Variants in CDH13 observed in about 807,000 individuals in gnomAD.
The protein encoded by CDH13 is cadherin 13, also known as cadherin-13.
A neutral mutation model predicts 63.8 loss-of-function variants in CDH13; 24 were observed. The ratio of observed to expected loss-of-function variants is 0.38; its 90% CI spans 0.27 to 0.53. The LOEUF is 0.53. Among genes scored for constraint, CDH13 ranks in the 20% least tolerant of loss-of-function variants. CDH13 has a pLI of 0.85. For missense variants in CDH13, 1,049 were observed against 903.1 expected (o/e 1.16, Z -2.07); for synonymous variants, 503 against 355.3 (o/e 1.42, Z -4.67).
At chr16:83,493,909 T>A (rs2074076594) in intron 7 of CDH13, among the ~76,000 whole-genome samples, 1 of 152,200 alleles carries the variant, frequency 6.6e-6, no homozygotes. Context: ...ATTTCTAGCC[T>A]GATGGAGATA....
intron 11 of CDH13, among the ~76,000 whole-genome samples, chr16:83,778,925 G>T (rs760551867): frequency 2.6e-5 from 4 of 152,160 alleles, no homozygotes; most frequent in African/African-American, 9.7e-5. Flanking sequence ...CGGAGACTCC[G>T]TCCTCCCCCT....
In CDH13 at chr16:83,632,057, G is replaced by C. The variant is rs562325262; in HGVS notation, c.1101+29463G>C. Reference sequence around the variant, plus strand: ...TTTGAGAGAACAGGATTTTAAAGAAGAACGAACCCAATTATTTGGATCCAC... The same window carrying C: ...TTTGAGAGAACAGGATTTTAAAGAACAACGAACCCAATTATTTGGATCCAC... On this transcript the variant is annotated intron_variant, in intron 8 of 13. Coordinates refer to ENST00000567109, the MANE Select transcript of CDH13 (RefSeq NM_001257.5). 5.9e-5 allele frequency among the ~76,000 whole-genome samples: 9 copies of C among 152,322 alleles called. No individual in the cohort carries two copies. The South Asian group carries it at 1.9e-3, about 32-fold the overall frequency.
rs1480405713 is a variant in CDH13 at position 83,309,394 on chromosome 16, G to A, written c.637-35468G>A. Among the ~76,000 whole-genome samples, 6 of 141,196 alleles carry A rather than the reference G, an allele frequency of 4.2e-5. 1 individual carries two copies. The East Asian group carries it at 8.6e-4, about 20-fold the overall frequency. The allele number at this position is 141,196 out of a possible 152,430, so 92.6% of individuals were successfully genotyped here. On this transcript the variant is annotated intron_variant, in intron 5 of 13. Coordinates refer to ENST00000567109, the MANE Select transcript of CDH13 (RefSeq NM_001257.5). ...CCCCTCTCTCCCTTCTTTTTTTTTT[G>A]AGACAGAATCTTACTCTGTCACCCA...
At chr16:82,832,583 C>G (rs56049304) in intron 1 of CDH13, among the ~76,000 whole-genome samples, 48,596 of 145,490 alleles carry the variant, frequency 0.33, 8,075 homozygotes, top group Admixed American at 0.39. Context: ...ATTTATAAAT[C>G]ATGTGCAAGA....
At chr16:82,998,281 A>G (rs1304178127) in intron 2 of CDH13, among the ~76,000 whole-genome samples, 1 of 152,224 alleles carries the variant, frequency 6.6e-6, no homozygotes, top group Non-Finnish European at 1.5e-5. Flanking sequence ...GTCTTATGTA[A>G]TTTTAAAAAT....
At chr16:83,444,361 C>G (rs979741001) in intron 6 of CDH13, among the ~76,000 whole-genome samples, 1 of 152,196 alleles carries the variant, frequency 6.6e-6, no homozygotes, top group African/African-American at 2.4e-5. Context: ...GAAGTACATG[C>G]TGTGATTTTC....
At chr16:83,023,252 T>G (rs1597159239) in intron 2 of CDH13, among the ~76,000 whole-genome samples, 2 of 152,332 alleles carry the variant, frequency 1.3e-5, no homozygotes, top group East Asian at 3.9e-4. Flanking sequence ...ACTCTGAGTG[T>G]TGCCTTTTGT....
chr16:83,014,215 A>G (rs1250366572), intron 2 of CDH13, among the ~76,000 whole-genome samples: 1 of 151,938 alleles, frequency 6.6e-6, no homozygotes, highest in Non-Finnish European at 1.5e-5. Flanking sequence ...AAAAATTTTC[A>G]AACTAATACT....
chr16:82,994,820 C>T (rs1317406532), intron 2 of CDH13, among the ~76,000 whole-genome samples: 1 of 152,148 alleles, frequency 6.6e-6, no homozygotes, highest in African/African-American at 2.4e-5. Flanking sequence ...TGAAGGATTT[C>T]AGACCACTAT....
chr16:83,350,785 T>G (rs1007418049), intron 6 of CDH13, among the ~76,000 whole-genome samples: 1 of 152,278 alleles, frequency 6.6e-6, no homozygotes, highest in Non-Finnish European at 1.5e-5. Flanking sequence ...AGTCTTGTAG[T>G]GAGATAGGAG....
At chr16:83,563,098 G>T (rs2075736200) in intron 7 of CDH13, among the ~76,000 whole-genome samples, 2 of 152,218 alleles carry the variant, frequency 1.3e-5, no homozygotes, top group African/African-American at 4.8e-5. Flanking sequence ...TATGAATGAT[G>T]CGTGAATTAA....
At chr16:83,085,138 T>C (rs1349793101) in intron 3 of CDH13, among the ~76,000 whole-genome samples, 1 of 151,862 alleles carries the variant, frequency 6.6e-6, no homozygotes, top group East Asian at 1.9e-4. Flanking sequence ...TTAATTGGAC[T>C]TACAGTTCCA....
At chr16:82,977,098 C>T (rs970650018) in intron 2 of CDH13, among the ~76,000 whole-genome samples, 1 of 152,204 alleles carries the variant, frequency 6.6e-6, no homozygotes, top group African/African-American at 2.4e-5. Flanking sequence ...ATACACTTTA[C>T]AAATTTATGC....
At chr16:83,088,498 C>G (rs1171665834) in intron 3 of CDH13, among the ~76,000 whole-genome samples, 2 of 152,192 alleles carry the variant, frequency 1.3e-5, no homozygotes, top group African/African-American at 4.8e-5. Flanking sequence ...TACTGCTGCT[C>G]TAGGATCAGT....
chr16:82,666,956 T>A (rs1289706907), intron 1 of CDH13, among the ~76,000 whole-genome samples: 1 of 152,152 alleles, frequency 6.6e-6, no homozygotes, highest in Non-Finnish European at 1.5e-5. Flanking sequence ...GCCCCTGAGA[T>A]GAGTTCAGGA....
chr16:83,460,264 G>T (rs1323062030), intron 6 of CDH13, among the ~76,000 whole-genome samples: 1 of 152,214 alleles, frequency 6.6e-6, no homozygotes, highest in Non-Finnish European at 1.5e-5. Context: ...GCAATAACAG[G>T]AAAACAGAGA....
chr16:83,296,147 G>T (rs1476626204), intron 5 of CDH13, among the ~76,000 whole-genome samples: 1 of 152,076 alleles, frequency 6.6e-6, no homozygotes, highest in Non-Finnish European at 1.5e-5. Context: ...CAGAGAACAT[G>T]TGTATAGTCC....
At chr16:83,682,375 A>T (rs6563968) in intron 10 of CDH13, among the ~76,000 whole-genome samples, 66,878 of 151,900 alleles carry the variant, frequency 0.44, 14,958 homozygotes, top group Middle Eastern at 0.51. Context: ...CAGCTGTACA[A>T]GGTCGTTCAT....
chr16:83,417,787 T>G (rs1256885262), intron 6 of CDH13, among the ~76,000 whole-genome samples: 1 of 152,170 alleles, frequency 6.6e-6, no homozygotes, highest in Non-Finnish European at 1.5e-5. Flanking sequence ...AATTCTCTTT[T>G]CCAATTGAAC....
Sources: gnomAD v4.1 joint callset for allele counts (sites outside exome capture counted in the v4.1 genomes callset) on GRCh38, gnomAD v4.1.1 for gene constraint, MANE v1.5 for transcripts, NCBI Gene and HGNC (gene_info 2026-07-23, HGNC 2026-07-21) for gene names.